The following TAOK3 variants were observed in gnomAD, a reference collection of about 807,000 sequenced individuals.
The protein encoded by TAOK3 is TAO kinase 3.
A neutral mutation model predicts 120.4 loss-of-function variants in TAOK3; 40 were observed. The observed-to-expected ratio is 0.33, with a 90% CI of 0.26 to 0.43. TAOK3 has a LOEUF of 0.43. TAOK3 is among the 20% of genes least tolerant of loss of function. The pLI is 1.00. For synonymous variants in TAOK3, 355 were observed against 387.5 expected (o/e 0.92, Z 0.99); for missense variants, 821 against 1,112.1 (o/e 0.74, Z 3.72).
At chr12:118,226,237 G>A (rs1185426632) in intron 9 of TAOK3, among the ~76,000 whole-genome samples, 3 of 152,252 alleles carry the variant, frequency 2.0e-5, no homozygotes, top group African/African-American at 4.8e-5. Context: ...TTAGCCAGGC[G>A]TGGTGGCGGG....
intron 9 of TAOK3, among the ~76,000 whole-genome samples, chr12:118,217,453 A>G (rs2038961600): frequency 6.6e-6 from 1 of 152,100 alleles, no homozygotes; most frequent in Admixed American, 6.6e-5. Context: ...TTGGGAGACT[A>G]AGCGGGCAGA....
intron 13 of TAOK3, among the ~76,000 whole-genome samples, chr12:118,197,141 A>C (rs2037770921): frequency 6.6e-6 from 1 of 152,196 alleles, no homozygotes; most frequent in Non-Finnish European, 1.5e-5. Flanking sequence ...CCATATCTTA[A>C]GTTTTCATAT....
intron 20 of TAOK3, 122 bp from the exon 21 acceptor site, chr12:118,151,280 C>A: frequency 2.1e-6 from 1 of 486,730 alleles, no homozygotes; most frequent in Non-Finnish European, 3.4e-6. Context: ...ACATGAAGTG[C>A]GCGCGCGCGC....
Position 118,160,427 on chromosome 12 carries a change from T to C in TAOK3, c.2140-69A>G. Reference sequence around the variant, plus strand: ...AAATACAGAAAGCCTTCTACCATAATGATATAATACAAGTGCTGAGAGCGT... The same window carrying C: ...AAATACAGAAAGCCTTCTACCATAACGATATAATACAAGTGCTGAGAGCGT... On this transcript the variant is annotated intron_variant, in intron 18 of 20. Transcript: ENST00000392533. The surrounding 1 kb of genome is among the most constrained non-coding windows in gnomAD (Gnocchi z 4.2). 1 of 1,315,082 alleles carries C rather than the reference T, an allele frequency of 7.6e-7. No homozygotes were observed. The highest frequency in any genetic ancestry group is 1.1e-6 in the Non-Finnish European group (1 of 925,894). The allele number at this position is 1,315,082 out of a possible 1,614,324, so 81.5% of individuals were successfully genotyped here.
chr12:118,291,961 G>A (rs574702458), intron 1 of TAOK3, among the ~76,000 whole-genome samples: 3 of 152,052 alleles, frequency 2.0e-5, no homozygotes, highest in East Asian at 1.9e-4. Context: ...CTACAGGTGC[G>A]TGCCAACACA....
intron 1 of TAOK3, among the ~76,000 whole-genome samples, chr12:118,319,083 G>A (rs2043593178): frequency 6.6e-6 from 1 of 152,152 alleles, no homozygotes; most frequent in Non-Finnish European, 1.5e-5. Flanking sequence ...GTGAGGAATT[G>A]GAGAAATATT....
intron 13 of TAOK3, among the ~76,000 whole-genome samples, chr12:118,191,757 T>G (rs1218430351): frequency 6.6e-6 from 1 of 152,238 alleles, no homozygotes; most frequent in African/African-American, 2.4e-5. Context: ...TGCTACCATT[T>G]ACATTACTGC....
At chr12:118,362,907 T>C (rs1211426119) in intron 1 of TAOK3, among the ~76,000 whole-genome samples, 1 of 149,866 alleles carries the variant, frequency 6.7e-6, no homozygotes, top group African/African-American at 2.5e-5. Flanking sequence ...TAATCCCAGC[T>C]ACTTGGGAGG....
chr12:118,358,165 C>G (rs1242601253), intron 1 of TAOK3, among the ~76,000 whole-genome samples: 1 of 151,714 alleles, frequency 6.6e-6, no homozygotes, highest in Non-Finnish European at 1.5e-5. Context: ...CAAATGATGA[C>G]ATGTCAAAAA....
intron 1 of TAOK3, among the ~76,000 whole-genome samples, chr12:118,335,595 C>T (rs1299639570): frequency 1.3e-5 from 2 of 152,056 alleles, no homozygotes; most frequent in Admixed American, 6.6e-5. Context: ...TTTGGAAGGC[C>T]GAGCTGGGTG....
chr12:118,254,984 G>A lies in TAOK3; in HGVS notation c.120+464C>T, dbSNP rs558803790. 2.0e-5 allele frequency among the ~76,000 whole-genome samples: 3 copies of A among 152,018 alleles called. No individual in the cohort carries two copies. The South Asian group carries it at 6.2e-4, about 32-fold the overall frequency. On this transcript the variant is annotated intron_variant, in intron 3 of 20. Coordinates refer to ENST00000392533, the MANE Select transcript of TAOK3 (RefSeq NM_016281.4). ...TCACCGTGTTAGCCAGGATGGTCTC[G>A]ATCTCCTGACCTCGTGATCTGCCCG... is the stretch of plus-strand genomic sequence containing the variant.
At chr12:118,285,097 AAACT>A (rs1204073357) in intron 1 of TAOK3, among the ~76,000 whole-genome samples, 1 of 152,022 alleles carries the variant, frequency 6.6e-6, no homozygotes, top group Non-Finnish European at 1.5e-5. Context: ...TAAAATGAAC[AAACT>A]AACCTTTTAA....
intron 13 of TAOK3, among the ~76,000 whole-genome samples, chr12:118,194,598 C>A (rs1282505215): frequency 1.3e-5 from 2 of 150,780 alleles, no homozygotes; most frequent in East Asian, 3.9e-4. Flanking sequence ...CATCCTATTC[C>A]CTCAAGGACA....
intron 1 of TAOK3, among the ~76,000 whole-genome samples, chr12:118,348,948 G>T: frequency 6.6e-6 from 1 of 151,142 alleles, no homozygotes; most frequent in African/African-American, 2.4e-5. Flanking sequence ...GAGTGCAGTG[G>T]CGCGTTCTTG....
intron 2 of TAOK3, among the ~76,000 whole-genome samples, chr12:118,260,115 A>C (rs1335395867): frequency 6.6e-6 from 1 of 152,110 alleles, no homozygotes; most frequent in Non-Finnish European, 1.5e-5. Flanking sequence ...TGTGATGCCT[A>C]ACAATTTTTA....
At chr12:118,271,954 A>G (rs2041715699) in intron 1 of TAOK3, among the ~76,000 whole-genome samples, 1 of 152,234 alleles carries the variant, frequency 6.6e-6, no homozygotes. Context: ...TGCGCCAAGA[A>G]TGTAGTATTT....
At chr12:118,196,704 T>G (rs1050988904) in intron 13 of TAOK3, among the ~76,000 whole-genome samples, 1 of 152,222 alleles carries the variant, frequency 6.6e-6, no homozygotes, top group South Asian at 2.1e-4. Context: ...GCTAAGATTA[T>G]TTAATCCTTT....
At chr12:118,153,058 C>T (rs1278891943) in intron 19 of TAOK3, among the ~76,000 whole-genome samples, 3 of 152,128 alleles carry the variant, frequency 2.0e-5, no homozygotes, top group African/African-American at 4.8e-5. Context: ...ATGTTGGCAC[C>T]TATTGTTGGC....
At chr12:118,234,189 A>G (rs1267277800) in intron 8 of TAOK3, among the ~76,000 whole-genome samples, 2 of 147,132 alleles carry the variant, frequency 1.4e-5, no homozygotes, top group African/African-American at 5.0e-5. Flanking sequence ...CATATTGTTT[A>G]AAGTAATTAA....
Sources: allele counts gnomAD v4.1 joint callset (sites outside exome capture counted in the v4.1 genomes callset), GRCh38; gene constraint gnomAD v4.1.1; non-coding constraint Gnocchi (gnomAD v3.1); transcripts MANE v1.5; gene names NCBI Gene and HGNC (gene_info 2026-07-23, HGNC 2026-07-21).